STRA6: variants seen among roughly 807,000 people sequenced by gnomAD.
STRA6 encodes receptor for retinol uptake STRA6.
STRA6 carries 48 observed loss-of-function variants against 83.6 expected under a neutral mutation model. The ratio of observed to expected loss-of-function variants is 0.57; its 90% CI spans 0.46 to 0.73. The LOEUF (loss-of-function observed/expected upper bound fraction) is 0.73. Among genes scored for constraint, STRA6 ranks in the 30% least tolerant of loss-of-function variants. STRA6 has a pLI of 0.00. For synonymous variants in STRA6, 353 were observed against 362.3 expected (o/e 0.97, Z 0.29); for missense variants, 760 against 838.8 (o/e 0.91, Z 1.16).
upstream of STRA6, among the ~76,000 whole-genome samples, chr15:74,211,656 G>A (rs576810859): frequency 7.2e-5 from 11 of 152,012 alleles, no homozygotes; most frequent in Admixed American, 3.3e-4. Context: ...TGCCCACCTC[G>A]GCCTCCCAAA....
At position 74,185,066 on chromosome 15, in the gene STRA6, G is replaced by A. The variant is rs200984386; in HGVS notation, c.1091-11C>T. 30 of 1,613,626 alleles carry A rather than the reference G, an allele frequency of 1.9e-5. No homozygotes were observed. The African/African-American group carries it at 3.9e-4, about 21-fold the overall frequency. On this transcript the variant is annotated splice_polypyrimidine_tract_variant and intron_variant, in intron 12 of 18. Coordinates refer to ENST00000395105, the MANE Select transcript of STRA6 (RefSeq NM_022369.4). ...CTGAGATGTAGCACACTGGTGGGCA[G>A]AGAATGAGCAAAGTGAGAGGTCAGG...
intron 7 of STRA6, chr15:74,194,942 C>T: frequency 7.0e-7 from 1 of 1,425,524 alleles, no homozygotes; most frequent in Non-Finnish European, 9.1e-7. Flanking sequence ...CGGCCTCCAT[C>T]AAGCTTCACT....
At chr15:74,198,549 A>T (rs1056846936) in intron 2 of STRA6, among the ~76,000 whole-genome samples, 1 of 152,192 alleles carries the variant, frequency 6.6e-6, no homozygotes, top group Non-Finnish European at 1.5e-5. Context: ...CAAGCAGTCA[A>T]GGGTTTGGCC....
intron 14 of STRA6, chr15:74,183,645 T>G: frequency 6.9e-7 from 1 of 1,453,908 alleles, no homozygotes; most frequent in Non-Finnish European, 9.1e-7. Context: ...GGGTACACAC[T>G]CAATTTCCCG....
chr15:74,186,585 G>C (rs571511878), intron 12 of STRA6, among the ~76,000 whole-genome samples: 30 of 152,062 alleles, frequency 2.0e-4, no homozygotes, highest in African/African-American at 7.0e-4. Flanking sequence ...TCCACCCTGG[G>C]AGACAGAATG....
chr15:74,209,492 A>T, upstream of STRA6: 2 of 1,501,642 alleles, frequency 1.3e-6, no homozygotes, highest in Non-Finnish European at 1.8e-6. Flanking sequence ...CCCTGACCAC[A>T]GCTAAGGGGA....
chr15:74,196,138 A>G lies in STRA6; in HGVS notation c.276T>C (p.Asp92=), dbSNP rs752330623. 15 of 1,613,670 alleles carry G rather than the reference A, an allele frequency of 9.3e-6. No individual in the cohort carries two copies. Residue 92 remains aspartate, a synonymous_variant, in exon 5 of 19, where the codon GAT becomes GAC. Coordinates refer to ENST00000395105, the MANE Select transcript of STRA6 (RefSeq NM_022369.4). ...RGRPGLPSPV[D]FLAGDRPRAV... is the part of the protein sequence containing the mutation. The stretch of plus-strand genomic sequence containing the variant: ...CCCGGGGCCTGTCCCCAGCCAAGAA[A>G]TCCACAGGGCTAGCACAGAGGCAAG...
At chr15:74,208,112 G>C (rs1040582868) in intron 1 of STRA6, 197 of 1,118,272 alleles carry the variant, frequency 1.8e-4, no homozygotes, top group Middle Eastern at 7.6e-4. Context: ...GGAGGAGGAG[G>C]GTAGCCGGCT....
At chr15:74,202,947 T>A, upstream of STRA6, 1 of 987,760 alleles carries the variant, frequency 1.0e-6, no homozygotes. Context: ...GCCTGAGCCC[T>A]GCAAGGGTGT....
upstream of STRA6, among the ~76,000 whole-genome samples, chr15:74,211,503 C>T (rs923039031): frequency 4.7e-5 from 7 of 149,522 alleles, no homozygotes; most frequent in Non-Finnish European, 1.0e-4. Flanking sequence ...TGGGTTCAAG[C>T]GATTCTCCTG....
At chr15:74,211,393 C>CTTTTTTTTTTTT (rs34963230), upstream of STRA6, among the ~76,000 whole-genome samples, 2 of 73,900 alleles carry the variant, frequency 2.7e-5, no homozygotes, top group Non-Finnish European at 5.0e-5. Context: ...CTGCCCCTGG[C>CTTTTTTTTTTTT]TTTTTTTTTT....
At chr15:74,208,805 A>G (rs944009509) in exon 1 of STRA6, 4 of 988,346 alleles carry the variant, frequency 4.0e-6, no homozygotes, top group African/African-American at 1.8e-5. Context: ...CCTACCTCCA[A>G]TCAAGCGCTC....
At chr15:74,209,319 C>A (rs1567204557), upstream of STRA6, 3 of 1,490,438 alleles carry the variant, frequency 2.0e-6, no homozygotes, top group Non-Finnish European at 2.7e-6. Context: ...TGAGTTTCCC[C>A]AGATGTGGCC....
intron 16 of STRA6, 39 bp downstream of exon 16, chr15:74,182,122 G>T: frequency 6.4e-7 from 1 of 1,553,348 alleles, no homozygotes; most frequent in South Asian, 1.1e-5. Flanking sequence ...AAGAAGAGGC[G>T]AGGGCCTGAG....
At chr15:74,197,897 T>A in intron 2 of STRA6, 79 bp from the exon 3 acceptor site, 1 of 1,468,900 alleles carries the variant, frequency 6.8e-7, no homozygotes. Context: ...TTCAAGACTG[T>A]TCACACTGAG....
chr15:74,204,254 A>G (rs544718735), upstream of STRA6, among the ~76,000 whole-genome samples: 13 of 152,340 alleles, frequency 8.5e-5, no homozygotes, highest in South Asian at 2.7e-3. Context: ...GAGCTCCCGG[A>G]GGGCGGGACT....
Position 74,182,241 on chromosome 15 carries a change from G to A in STRA6, c.1440C>T (p.Ala480=), listed in dbSNP as rs143350697. 3.2e-5 allele frequency: 51 copies of A among 1,614,034 alleles called. No individual in the cohort carries two copies. In the African/African-American group the frequency reaches 3.9e-4, roughly 12 times the overall value. The change falls in exon 16 of 19, where the codon GCC becomes GCT. Residue 480 remains alanine, a synonymous_variant. Transcript: ENST00000395105. ...ESSWPFWLTL[A]LAVILQNMAA... The stretch of plus-strand genomic sequence containing the variant: ...CCATGTTCTGCAGGATCACAGCCAG[G>A]GCCAAAGTCAGCCAGAAGGGCCTGC...
At chr15:74,194,800 A>G in intron 7 of STRA6, 2 of 1,297,158 alleles carry the variant, frequency 1.5e-6, no homozygotes, top group Non-Finnish European at 1.9e-6. Flanking sequence ...CTGGCTCTAA[A>G]GCCTGTACCA....
At position 74,181,155 on chromosome 15, in the gene STRA6, C is replaced by T. The variant is rs3743213; in HGVS notation, c.1684+140G>A. On this transcript the variant is annotated intron_variant, in intron 17 of 18. Coordinates refer to ENST00000395105, the MANE Select transcript of STRA6 (RefSeq NM_022369.4). ...TGCTGCAGGGCCACAGGAGGCACAG[C>T]GCAGGGGCACACAGGTGGCACATGC... 5.6e-4 allele frequency: 782 copies of T among 1,397,584 alleles called. 14 individuals carry two copies. The East Asian group carries it at 0.018, about 33-fold the overall frequency. The allele number at this position is 1,397,584 out of a possible 1,614,324, so 86.6% of individuals were successfully genotyped here. A position where few individuals can be genotyped will look rare whatever the true frequency, so the allele number is the denominator to read the frequency against.
Sources: allele counts gnomAD v4.1 joint callset (sites outside exome capture counted in the v4.1 genomes callset), GRCh38; gene constraint gnomAD v4.1.1; transcripts MANE v1.5; gene names NCBI Gene and HGNC (gene_info 2026-07-23, HGNC 2026-07-21).